The following PTGS1 variants were observed in gnomAD, a reference collection of about 807,000 sequenced individuals.
The protein encoded by PTGS1 is prostaglandin-endoperoxide synthase 1, also known as prostaglandin G/H synthase 1.
A neutral mutation model predicts 63.0 loss-of-function variants in PTGS1; 40 were observed. That is an observed-to-expected ratio of 0.63 (90% CI 0.49 to 0.83). PTGS1 has a LOEUF of 0.83. Ranked by LOEUF, PTGS1 falls within the 40% of genes least tolerant of loss-of-function variation. The pLI, the probability that PTGS1 is intolerant of heterozygous loss-of-function variation, is 0.00. For missense variants in PTGS1, 709 were observed against 786.5 expected (o/e 0.90, Z 1.18); for synonymous variants, 298 against 301.9 (o/e 0.99, Z 0.13).
At chr9:122,388,309 G>A (rs1314513355) in intron 9 of PTGS1, among the ~76,000 whole-genome samples, 1 of 152,102 alleles carries the variant, frequency 6.6e-6, no homozygotes, top group Non-Finnish European at 1.5e-5. Flanking sequence ...GCCTCTCAAG[G>A]TGCTGGGATT....
rs1329184423 is a variant in PTGS1 at position 122,390,290 on chromosome 9, T to C, written c.1389T>C (p.Asn463=). ...ESREMRLQPF[N]EYRKRFGMKP... ...GGGAGATGCGGCTGCAGCCCTTCAA[T>C]GAGTACCGCAAGAGGTTTGGCATGA... Residue 463 remains asparagine (N), a synonymous_variant, in exon 10 of 11, where the codon AAT becomes AAC. Coordinates refer to ENST00000362012, the MANE Select transcript of PTGS1 (RefSeq NM_000962.4). The C allele has an allele frequency of 2.3e-5, 37 of 1,614,088 alleles. No individual in the cohort carries two copies. The highest frequency in any genetic ancestry group is 3.0e-5 in the Non-Finnish European group (35 of 1,180,012).
chr9:122,374,664 T>C (rs557683910), intron 2 of PTGS1, among the ~76,000 whole-genome samples: 9 of 152,326 alleles, frequency 5.9e-5, no homozygotes, highest in African/African-American at 2.2e-4. Flanking sequence ...GAATACTTCC[T>C]AAAGATCTGG....
At chr9:122,385,612 T>C (rs10306159) in intron 8 of PTGS1, among the ~76,000 whole-genome samples, 8,632 of 152,030 alleles carry the variant, frequency 0.057, 805 homozygotes, top group African/African-American at 0.2. Flanking sequence ...ATATAGGAAA[T>C]ATGTTTTTTG....
At chr9:122,384,664 C>T (rs4836887) in intron 8 of PTGS1, among the ~76,000 whole-genome samples, 41,812 of 151,950 alleles carry the variant, frequency 0.28, 9,292 homozygotes, top group African/African-American at 0.61. Flanking sequence ...GTGAAGTGAA[C>T]TCTCCAGGGA....
At chr9:122,375,860 T>C (rs918607033) in intron 2 of PTGS1, among the ~76,000 whole-genome samples, 5 of 152,140 alleles carry the variant, frequency 3.3e-5, no homozygotes, top group African/African-American at 7.2e-5. Flanking sequence ...AGATCCCTGC[T>C]GTGGCAGGGA....
At chr9:122,375,527 T>C (rs1162462597) in intron 2 of PTGS1, 1 of 970,998 alleles carries the variant, frequency 1.0e-6, no homozygotes, top group African/African-American at 1.8e-5. Context: ...CCAGACCTGG[T>C]TAAGCCCCAA....
chr9:122,384,091 G>A (rs966115625), intron 8 of PTGS1, among the ~76,000 whole-genome samples: 1 of 152,132 alleles, frequency 6.6e-6, no homozygotes, highest in East Asian at 1.9e-4. Context: ...GGTTTCCCCT[G>A]TGTGCTGCGC....
chr9:122,371,416 G>A (rs1836800576), intron 2 of PTGS1, 144 bp downstream of exon 2: 2 of 1,404,632 alleles, frequency 1.4e-6, no homozygotes, highest in East Asian at 2.5e-5. Flanking sequence ...TCTTTTGGTG[G>A]GATGGGGGCT....
At chr9:122,376,446 G>A (rs146331187) in intron 2 of PTGS1, among the ~76,000 whole-genome samples, 61 of 150,832 alleles carry the variant, frequency 4.0e-4, no homozygotes, top group Non-Finnish European at 7.7e-4. Flanking sequence ...TGCTGCCCAG[G>A]TCAAGCCCTG....
chr9:122,370,719 T>C (rs995248534), upstream of PTGS1: 5 of 483,950 alleles, frequency 1.0e-5, no homozygotes, highest in Non-Finnish European at 1.8e-5. Flanking sequence ...GGGCAGGGTA[T>C]GTGGTTCAGA....
At chr9:122,384,354 A>G (rs1335431298) in intron 8 of PTGS1, among the ~76,000 whole-genome samples, 2 of 152,166 alleles carry the variant, frequency 1.3e-5, no homozygotes, top group African/African-American at 2.4e-5. Context: ...CTGAGTCACC[A>G]GTAACTCCCT....
At chr9:122,376,755 C>G (rs2119129489) in intron 2 of PTGS1, among the ~76,000 whole-genome samples, 1 of 152,304 alleles carries the variant, frequency 6.6e-6, no homozygotes, top group Middle Eastern at 3.4e-3. Context: ...TTGGTCTGCC[C>G]AGCTCTGTTC....
chr9:122,378,571 C>T lies in PTGS1; in HGVS notation c.350C>T (p.Thr117Ile). 2 of 1,614,256 alleles carry T rather than the reference C, an allele frequency of 1.2e-6. No individual in the cohort carries two copies. The highest frequency in any genetic ancestry group is 1.7e-6 in the Non-Finnish European group (2 of 1,180,044). Reference protein sequence around the residue: ...IREMLMRLVLTVRSNLIPSPP... With the variant: ...IREMLMRLVLIVRSNLIPSPP... ...GAGATGCTCATGCGCCTGGTACTCACAGGTGGGTGTGGGGCAGGGCCCCCT... is the reference window on the plus strand; with the variant it reads ...GAGATGCTCATGCGCCTGGTACTCATAGGTGGGTGTGGGGCAGGGCCCCCT... The change falls in exon 4 of 11, where the codon ACA (threonine) becomes ATA (isoleucine). Residue 117 changes from threonine (T) to isoleucine (I), a missense_variant and splice_region_variant. Coordinates refer to ENST00000362012, the MANE Select transcript of PTGS1 (RefSeq NM_000962.4).
Position 122,377,988 on chromosome 9 carries a change from G to T in PTGS1, c.184G>T (p.Gly62Cys). 7 of 1,613,494 alleles carry T rather than the reference G, an allele frequency of 4.3e-6. No homozygotes were observed. Among genetic ancestry groups the T allele is most frequent in the Non-Finnish European group, 5.9e-6 (7 of 1,180,004 alleles). Reference sequence around the variant, plus strand: ...CTACCAGTGTGACTGCACCCGCACGGGCTATTCCGGCCCCAACTGCACCAT... The same window carrying T: ...CTACCAGTGTGACTGCACCCGCACGTGCTATTCCGGCCCCAACTGCACCAT... ...DRYQCDCTRT[G>C]YSGPNCTIPG... is the part of the protein sequence containing the mutation. The change falls in exon 3 of 11, where the codon GGC becomes TGC. Residue 62 changes from glycine to cysteine, a missense_variant. By Grantham distance (159) the Gly-to-Cys change is radical. Transcript: ENST00000362012.
intron 8 of PTGS1, among the ~76,000 whole-genome samples, chr9:122,385,249 C>T (rs568152542): frequency 8.5e-5 from 13 of 152,250 alleles, no homozygotes; most frequent in African/African-American, 1.9e-4. Context: ...TGAGCCACAG[C>T]GCCTGGCCGC....
At chr9:122,375,273 C>A (rs941338247) in intron 2 of PTGS1, 29 of 985,284 alleles carry the variant, frequency 2.9e-5, no homozygotes, top group Non-Finnish European at 3.4e-5. Context: ...CCCGCACAGC[C>A]TCTCTTGGCA....
intron 10 of PTGS1, 125 bp from the exon 11 acceptor site, chr9:122,392,064 C>T: frequency 1.3e-6 from 1 of 780,688 alleles, no homozygotes. Context: ...TGCTCAGTTG[C>T]TCAAGTTAGT....
At position 122,392,456 on chromosome 9, in the gene PTGS1, C is replaced by G. The variant is rs201486676; in HGVS notation, c.1712C>G (p.Thr571Ser). 2.5e-6 allele frequency: 4 copies of G among 1,614,168 alleles called. No homozygotes were observed. The East Asian group carries it at 6.7e-5, about 27-fold the overall frequency. The part of the protein sequence containing the change: ...ATLKKLVCLN[T>S]KTCPYVSFRV... ...CTGAAGAAGCTGGTCTGCCTCAACA[C>G]CAAGACCTGTCCCTACGTTTCCTTC... The change falls in exon 11 of 11, where the codon ACC (threonine) becomes AGC (serine). Residue 571 changes from threonine to serine, a missense_variant. By Grantham distance (58) the Thr-to-Ser change is moderately conservative. Coordinates refer to ENST00000362012, the MANE Select transcript of PTGS1 (RefSeq NM_000962.4).
At position 122,392,171 on chromosome 9, in the gene PTGS1, C is replaced by T. The variant is rs766418699; in HGVS notation, c.1445-18C>T. ...CATCATGGATCTGATGCTAGCATTT[C>T]CCCTTATCTCCTTGTAGGAGAGAAG... On this transcript the variant is annotated intron_variant, in intron 10 of 10. Transcript: ENST00000362012. 10 of 1,558,172 alleles carry T rather than the reference C, an allele frequency of 6.4e-6. No individual in the cohort carries two copies. Among genetic ancestry groups the T allele is most frequent in the African/African-American group, 5.4e-5 (4 of 73,540 alleles).
Sources: allele counts gnomAD v4.1 joint callset (sites outside exome capture counted in the v4.1 genomes callset), GRCh38; gene constraint gnomAD v4.1.1; transcripts MANE v1.5; gene names NCBI Gene and HGNC (gene_info 2026-07-23, HGNC 2026-07-21).